ZNF236: variants seen among roughly 807,000 people sequenced by gnomAD.
ZNF236 encodes zinc finger protein 236, also known as regulated by glucose.
Under a neutral mutation model 191.2 loss-of-function variants are expected in ZNF236, and 50 were observed. That is an observed-to-expected ratio of 0.26 (90% CI 0.21 to 0.33). The LOEUF (loss-of-function observed/expected upper bound fraction) is 0.33, where lower values mean the gene tolerates loss of function less well. ZNF236 is among the 10% of genes least tolerant of loss of function. ZNF236 has a pLI of 1.00. For missense variants in ZNF236, 1,754 were observed against 2,374.5 expected (o/e 0.74, Z 5.43); for synonymous variants, 907 against 928.8 (o/e 0.98, Z 0.43).
intron 21 of ZNF236, among the ~76,000 whole-genome samples, chr18:76,924,572 G>A (rs1967624918): frequency 6.6e-6 from 1 of 152,224 alleles, no homozygotes; most frequent in Non-Finnish European, 1.5e-5. Context: ...TCAGCTCCCA[G>A]AGGCTCTTGG....
At chr18:76,877,488 C>T (rs1212099575) in intron 6 of ZNF236, among the ~76,000 whole-genome samples, 1 of 148,132 alleles carries the variant, frequency 6.8e-6, no homozygotes, top group African/African-American at 2.5e-5. Flanking sequence ...GCCTGGGCAA[C>T]AGAGCATCTC....
chr18:76,840,205 G>T (rs1975439097), intron 1 of ZNF236, among the ~76,000 whole-genome samples: 2 of 152,170 alleles, frequency 1.3e-5, no homozygotes, highest in South Asian at 4.1e-4. Flanking sequence ...TAAAAAATGA[G>T]GGAGACCGGC....
chr18:76,966,471 G>T (rs1046275453), intron 30 of ZNF236, among the ~76,000 whole-genome samples: 4 of 152,208 alleles, frequency 2.6e-5, no homozygotes, highest in African/African-American at 9.7e-5. Flanking sequence ...TTTCTGAGCA[G>T]CTCGTTTCTC....
intron 9 of ZNF236, among the ~76,000 whole-genome samples, chr18:76,887,758 G>A (rs541511484): frequency 2.4e-4 from 37 of 152,280 alleles, no homozygotes; most frequent in African/African-American, 7.7e-4. Flanking sequence ...ATTAGGCCCC[G>A]TGAGACTTAT....
chr18:76,937,105 C>G (rs1192035357), intron 25 of ZNF236, 51 bp from the exon 26 acceptor site: 1 of 1,571,410 alleles, frequency 6.4e-7, no homozygotes, highest in South Asian at 1.2e-5. Context: ...GCCCTTACAC[C>G]TGGACTTGTC....
At chr18:76,958,113 G>T (rs562834484) in intron 28 of ZNF236, among the ~76,000 whole-genome samples, 68 of 152,300 alleles carry the variant, frequency 4.5e-4, no homozygotes, top group African/African-American at 1.2e-3. Context: ...GCACAACACC[G>T]CCCCTTCTTA....
intron 8 of ZNF236, 82 bp from the exon 9 acceptor site, chr18:76,881,202 A>C: frequency 8.4e-7 from 1 of 1,190,272 alleles, no homozygotes; most frequent in Non-Finnish European, 1.2e-6. Context: ...TTAGAATTCT[A>C]TAGGTAAAGC....
chr18:76,969,802 G>A lies in ZNF236; in HGVS notation c.*1463G>A, dbSNP rs1016440161. 1.3e-5 allele frequency: 2 copies of A among 152,412 alleles called. No homozygotes were observed. The highest frequency in any genetic ancestry group is 2.9e-5 in the Non-Finnish European group (2 of 67,976). The allele number at this position is 152,412 out of a possible 1,614,324, so 9.4% of individuals were successfully genotyped here. A position where few individuals can be genotyped will look rare whatever the true frequency, so the allele number is the denominator to read the frequency against. On this transcript the variant is annotated 3_prime_UTR_variant, in exon 31 of 31. Coordinates refer to ENST00000320610, the MANE Select transcript of ZNF236 (RefSeq NM_001306089.2). ...AAGGGCATCTTTTGATTTTTTTGTT[G>A]TTGTTGTTCACTTTTGGCATATGTA...
intron 4 of ZNF236, among the ~76,000 whole-genome samples, chr18:76,870,199 C>G (rs983148106): frequency 6.6e-6 from 1 of 152,168 alleles, no homozygotes; most frequent in Non-Finnish European, 1.5e-5. Context: ...GATCAGCTGT[C>G]TCCTGTCTTT....
chr18:76,829,627 G>A (rs772166043), intron 1 of ZNF236, among the ~76,000 whole-genome samples: 3 of 152,118 alleles, frequency 2.0e-5, no homozygotes, highest in South Asian at 4.2e-4. Context: ...GCACCCAGCC[G>A]GTTTATGATT....
At chr18:76,938,811 C>T (rs1048051624) in intron 26 of ZNF236, among the ~76,000 whole-genome samples, 34 of 152,284 alleles carry the variant, frequency 2.2e-4, no homozygotes, top group African/African-American at 7.0e-4. Flanking sequence ...CTGCCTACGT[C>T]GTGCCCCCAG....
chr18:76,875,480 C>T lies in ZNF236; in HGVS notation c.668-12C>T. 1 of 1,492,626 alleles carries T rather than the reference C, an allele frequency of 6.7e-7. No homozygotes were observed. 92.5% of individuals were successfully genotyped at this position (1,492,626 alleles called of 1,614,324 possible). A position where few individuals can be genotyped will look rare whatever the true frequency, so the allele number is the denominator to read the frequency against. On this transcript the variant is annotated splice_polypyrimidine_tract_variant and intron_variant, in intron 5 of 30. Transcript: ENST00000320610. The surrounding 1 kb of genome is among the most constrained non-coding windows in gnomAD (Gnocchi z 4.3). The stretch of plus-strand genomic sequence containing the variant: ...ATGGAATTATATTTTGATCATTTTT[C>T]TCCCACTCTAGGTGAAAGGCCGTTC...
chr18:76,915,979 T>G lies in ZNF236; in HGVS notation c.3274+120T>G, dbSNP rs1305685207. ...TATATAGATTAGTTCAGTAGCACCC[T>G]GAGTTTTTAATAATTTTATTTTCTG... On this transcript the variant is annotated intron_variant, in intron 19 of 30. Transcript: ENST00000320610. The G allele has an allele frequency of 3.6e-6, 3 of 837,294 alleles. No individual in the cohort carries two copies. The East Asian group carries it at 8.1e-5, about 22-fold the overall frequency. 51.9% of individuals were successfully genotyped at this position (837,294 alleles called of 1,614,324 possible). A position where few individuals can be genotyped will look rare whatever the true frequency, so the allele number is the denominator to read the frequency against.
chr18:76,855,968 T>C (rs1976029720), intron 3 of ZNF236, among the ~76,000 whole-genome samples: 1 of 152,230 alleles, frequency 6.6e-6, no homozygotes, highest in South Asian at 2.1e-4. Context: ...TTTGATATTG[T>C]CAAATTGTTT....
intron 16 of ZNF236, among the ~76,000 whole-genome samples, chr18:76,911,172 A>G (rs1470766664): frequency 6.6e-6 from 1 of 152,260 alleles, no homozygotes; most frequent in African/African-American, 2.4e-5. Flanking sequence ...TTAGAAGGAA[A>G]ATATAATGAA....
At chr18:76,916,105 T>C (rs1022608258) in intron 19 of ZNF236, among the ~76,000 whole-genome samples, 2 of 152,260 alleles carry the variant, frequency 1.3e-5, no homozygotes, top group Non-Finnish European at 2.9e-5. Flanking sequence ...GCATTCACTC[T>C]CACACTGTGT....
In ZNF236 at chr18:76,926,700, G is replaced by A. The variant is rs141022648; in HGVS notation, c.4028-337G>A. On this transcript the variant is annotated intron_variant, in intron 22 of 30. Coordinates refer to ENST00000320610, the MANE Select transcript of ZNF236 (RefSeq NM_001306089.2). ...ATATGGTATAAAGAGTGATTAGACT[G>A]TGTGTATGGTATAAAGGGTGATTAG... is the stretch of plus-strand genomic sequence containing the variant. Among the ~76,000 whole-genome samples, 234 of 107,326 alleles carry A rather than the reference G, an allele frequency of 2.2e-3. 2 individuals carry two copies. Among genetic ancestry groups the A allele is most frequent in the Non-Finnish European group, 3.9e-3 (200 of 50,818 alleles). The allele number at this position is 107,326 out of a possible 152,430, so 70.4% of individuals were successfully genotyped here. A position where few individuals can be genotyped will look rare whatever the true frequency, so the allele number is the denominator to read the frequency against.
chr18:76,937,447 T>C (rs1036281853), intron 26 of ZNF236, 104 bp downstream of exon 26: 94 of 1,119,104 alleles, frequency 8.4e-5, no homozygotes, highest in Non-Finnish European at 9.2e-5. Context: ...GCATTTTTTT[T>C]CCCCAAAATC....
chr18:76,924,572 G>T (rs1967624918), intron 21 of ZNF236, among the ~76,000 whole-genome samples: 1 of 152,224 alleles, frequency 6.6e-6, no homozygotes, highest in Non-Finnish European at 1.5e-5. Context: ...TCAGCTCCCA[G>T]AGGCTCTTGG....
Sources: allele counts gnomAD v4.1 joint callset (sites outside exome capture counted in the v4.1 genomes callset), GRCh38; gene constraint gnomAD v4.1.1; non-coding constraint Gnocchi (gnomAD v3.1); transcripts MANE v1.5; gene names NCBI Gene and HGNC (gene_info 2026-07-23, HGNC 2026-07-21).